The following PJA2 variants were observed in gnomAD, a reference collection of about 807,000 sequenced individuals.
PJA2 encodes E3 ubiquitin-protein ligase Praja-2.
A neutral mutation model predicts 69.3 loss-of-function variants in PJA2; 25 were observed. The ratio of observed to expected loss-of-function variants is 0.36; its 90% confidence interval spans 0.26 to 0.50. The LOEUF (loss-of-function observed/expected upper bound fraction) is 0.50. PJA2 is among the 20% of genes least tolerant of loss of function. PJA2 has a pLI of 0.96. For missense variants in PJA2, 809 were observed against 830.2 expected (o/e 0.97, Z 0.31); for synonymous variants, 308 against 277.8 (o/e 1.11, Z -1.08).
chr5:109,403,187 T>C (rs184516221), intron 1 of PJA2, among the ~76,000 whole-genome samples: 10 of 152,238 alleles, frequency 6.6e-5, no homozygotes, highest in Admixed American at 1.3e-4. Flanking sequence ...ACAGACGTTA[T>C]AGGCATTAAA....
chr5:109,393,599 A>C (rs1401807946), intron 1 of PJA2, among the ~76,000 whole-genome samples: 7 of 152,204 alleles, frequency 4.6e-5, no homozygotes, highest in African/African-American at 9.7e-5. Flanking sequence ...CTAGCACTGC[A>C]TTCTGGCCTG....
At chr5:109,375,808 T>C (rs370913555) in intron 4 of PJA2, among the ~76,000 whole-genome samples, 5 of 152,026 alleles carry the variant, frequency 3.3e-5, no homozygotes, top group Admixed American at 3.3e-4. Context: ...TGAAACTAAA[T>C]AGGAGTGTAC....
chr5:109,368,901 G>A (rs111288758), intron 4 of PJA2, among the ~76,000 whole-genome samples, 155 bp from the exon 5 acceptor site: 1,743 of 152,268 alleles, frequency 0.011, 43 homozygotes, highest in African/African-American at 0.04. Flanking sequence ...GGTGGGAGGT[G>A]ACTGCATCAT....
intron 3 of PJA2, 130 bp downstream of exon 3, chr5:109,381,360 AAGAATTTCAAAAT>A (rs1293977232): frequency 8.0e-6 from 5 of 622,674 alleles, no homozygotes; most frequent in Non-Finnish European, 1.4e-5. Flanking sequence ...TAAATTCAAT[AAGAATTTCAAAAT>A]AGAATTTCTT....
chr5:109,367,133 C>CAAA (rs1163494179), intron 5 of PJA2, among the ~76,000 whole-genome samples: 3,212 of 131,404 alleles, frequency 0.024, 58 homozygotes, highest in Middle Eastern at 0.035. Context: ...GACTCCGTCT[C>CAAA]AAAAAAAAAA....
chr5:109,369,210 G>T (rs182586641), intron 4 of PJA2, among the ~76,000 whole-genome samples: 2 of 152,246 alleles, frequency 1.3e-5, no homozygotes. Context: ...TTTGTTTATA[G>T]CAATGCAAGG....
rs780686358 is a variant in PJA2, at chr5:109,335,838, C to G, written c.*1393G>C. ...AAGAACTCCTAAATTACAAATTCAT[C>G]ACATTACATGCATGCAATGTTCACT... On this transcript the variant is annotated 3_prime_UTR_variant, in exon 10 of 10. Transcript: ENST00000361189. The G allele has an allele frequency of 6.6e-6, 1 of 152,578 alleles. No homozygotes were observed. The highest frequency in any genetic ancestry group is 1.5e-5 in the Non-Finnish European group (1 of 68,008). The allele number at this position is 152,578 out of a possible 1,614,324, so 9.5% of individuals were successfully genotyped here. A position where few individuals can be genotyped will look rare whatever the true frequency, so the allele number is the denominator to read the frequency against.
chr5:109,393,640 A>T (rs1279404235), intron 1 of PJA2, among the ~76,000 whole-genome samples: 2 of 151,326 alleles, frequency 1.3e-5, no homozygotes, highest in African/African-American at 2.4e-5. Flanking sequence ...TCTCTAAAAA[A>T]ATAAAGAAAT....
In PJA2 at chr5:109,409,930, GCCGAACGCGAAGCGGC is replaced by G. The variant is rs1424451955; in HGVS notation, c.-192_-177del. On this transcript the variant is annotated 5_prime_UTR_variant, in exon 1 of 10. Transcript: ENST00000361189. ...CTTCTCCGCCTCCAACTCCTCCCCCGCCGAACGCGAAGCGGCTGGCGGCTGTGGCGGCGGCGGCGGC... is the reference window on the plus strand; with the variant it reads ...CTTCTCCGCCTCCAACTCCTCCCCCGTGGCGGCTGTGGCGGCGGCGGCGGC... The G allele has an allele frequency of 1.1e-4, 23 of 200,598 alleles. No individual in the cohort carries two copies. Among genetic ancestry groups the G allele is most frequent in the Non-Finnish European group, 2.0e-5 (2 of 101,172 alleles). The allele number at this position is 200,598 out of a possible 1,614,324, so 12.4% of individuals were successfully genotyped here.
rs1030253676 is a variant in PJA2, at chr5:109,336,368, A to C, written c.*863T>G. ...GTTTTCAGACCTTCCAAAATACTGT[A>C]GAAGCAAAATTACCTTAAACTAACT... On this transcript the variant is annotated 3_prime_UTR_variant, in exon 10 of 10. Coordinates refer to ENST00000361189, the MANE Select transcript of PJA2 (RefSeq NM_014819.5). 2.6e-5 allele frequency: 4 copies of C among 152,194 alleles called. No homozygotes were observed. Among genetic ancestry groups the C allele is most frequent in the Non-Finnish European group, 4.4e-5 (3 of 68,030 alleles). 9.4% of individuals were successfully genotyped at this position (152,194 alleles called of 1,614,324 possible).
At chr5:109,384,147 CA>C in intron 1 of PJA2, among the ~76,000 whole-genome samples, 1 of 152,222 alleles carries the variant, frequency 6.6e-6, no homozygotes, top group East Asian at 1.9e-4. Context: ...GGTATGTAAC[CA>C]AACTATTTGG....
chr5:109,375,601 C>CA lies in PJA2; in HGVS notation c.1283+2602dup, dbSNP rs200356439. On this transcript the variant is annotated intron_variant, in intron 4 of 9. Coordinates refer to ENST00000361189, the MANE Select transcript of PJA2 (RefSeq NM_014819.5). The stretch of plus-strand genomic sequence containing the variant: ...TCTACTTTGGCTATTATAAGCATGA[C>CA]AAAAAAAAACTTTTCAAGTATATCA... Among the ~76,000 whole-genome samples the CA allele has an allele frequency of 6.4e-3, 970 of 151,220 alleles. 5 individuals carry two copies. Among genetic ancestry groups the CA allele is most frequent in the Admixed American group, 0.011 (161 of 15,178 alleles).
At chr5:109,404,935 G>A (rs998570624) in intron 1 of PJA2, among the ~76,000 whole-genome samples, 3 of 152,144 alleles carry the variant, frequency 2.0e-5, no homozygotes, top group African/African-American at 7.2e-5. Context: ...TCATAATGGA[G>A]GTCTTAGCCA....
chr5:109,376,185 T>C (rs1248039073), intron 4 of PJA2, among the ~76,000 whole-genome samples: 2 of 150,362 alleles, frequency 1.3e-5, no homozygotes, highest in Admixed American at 6.7e-5. Flanking sequence ...CTGTAGTCAA[T>C]ACATTACTAG....
At chr5:109,350,849 C>T (rs1762238556) in intron 7 of PJA2, among the ~76,000 whole-genome samples, 1 of 152,068 alleles carries the variant, frequency 6.6e-6, no homozygotes, top group African/African-American at 2.4e-5. Flanking sequence ...TTACAAGGGG[C>T]CCGTGGGTAT....
intron 7 of PJA2, among the ~76,000 whole-genome samples, chr5:109,354,021 T>C (rs1762341131): frequency 1.0e-5 from 1 of 98,976 alleles, no homozygotes; most frequent in African/African-American, 3.2e-5. Flanking sequence ...ATTAGATATC[T>C]ATGATATCTA....
At chr5:109,375,278 G>A (rs1746835916) in intron 4 of PJA2, among the ~76,000 whole-genome samples, 1 of 152,152 alleles carries the variant, frequency 6.6e-6, no homozygotes, top group South Asian at 2.1e-4. Flanking sequence ...GGGAGGCTGA[G>A]GCGGGTGGAT....
rs1491136790 is a variant in PJA2, at chr5:109,372,905, C to CAACAAAAAA, written c.1284-4160_1284-4159insTTTTTTGTT. On this transcript the variant is annotated intron_variant, in intron 4 of 9. Coordinates refer to ENST00000361189, the MANE Select transcript of PJA2 (RefSeq NM_014819.5). ...TGGCAACTAGAGCAACACTCCGTCT[C>CAACAAAAAA]AAAAAAAAAAAAAAAAAAAAAGAAA... Among the ~76,000 whole-genome samples, 92 of 35,708 alleles carry CAACAAAAAA rather than the reference C, an allele frequency of 2.6e-3. 1 individual carries two copies. Among genetic ancestry groups the CAACAAAAAA allele is most frequent in the African/African-American group, 6.6e-3 (88 of 13,424 alleles). 23.4% of individuals were successfully genotyped at this position (35,708 alleles called of 152,430 possible). A position where few individuals can be genotyped will look rare whatever the true frequency, so the allele number is the denominator to read the frequency against.
At chr5:109,396,637 G>C (rs1582628118) in intron 1 of PJA2, among the ~76,000 whole-genome samples, 1 of 150,964 alleles carries the variant, frequency 6.6e-6, no homozygotes. Flanking sequence ...ATGTTGGTCA[G>C]GCTAGTCTTG....
Sources: gnomAD v4.1 joint callset for allele counts (sites outside exome capture counted in the v4.1 genomes callset) on GRCh38, gnomAD v4.1.1 for gene constraint, MANE v1.5 for transcripts, NCBI Gene and HGNC (gene_info 2026-07-23, HGNC 2026-07-21) for gene names.